Variants in ZNF726 observed in about 807,000 individuals in gnomAD.
ZNF726 encodes the protein zinc finger protein 92 pseudogene 3.
ZNF726 carries 15 observed loss-of-function variants against 11.6 expected under a neutral mutation model. The ratio of observed to expected loss-of-function variants is 1.29; its 90% CI spans 0.86 to 1.99. ZNF726 has a LOEUF of 1.99. Among genes scored for constraint, ZNF726 ranks in the 30% most tolerant of loss-of-function variants. ZNF726 has a pLI of 0.00. For synonymous variants in ZNF726, 295 were observed against 243.6 expected, an observed-to-expected ratio of 1.21 and a Z score of -1.96; for missense variants, 890 against 725.6, an observed-to-expected ratio of 1.23 and a Z score of -2.60.
At chr19:23,926,077 A>G (rs1313937106) in intron 3 of ZNF726, among the ~76,000 whole-genome samples, 4 of 152,272 alleles carry the variant, frequency 2.6e-5, no homozygotes, top group Admixed American at 1.3e-4. Context: ...TAATTTGTAA[A>G]TATTTTCACC....
intron 3 of ZNF726, among the ~76,000 whole-genome samples, chr19:23,925,112 T>A (rs545364461): frequency 1.4e-4 from 22 of 152,318 alleles, no homozygotes; most frequent in Admixed American, 1.4e-3. Context: ...ACATCCATCA[T>A]TTCTTTACTG....
intron 3 of ZNF726, among the ~76,000 whole-genome samples, chr19:23,929,820 G>A (rs1431988031): frequency 6.6e-6 from 1 of 152,008 alleles, no homozygotes; most frequent in Non-Finnish European, 1.5e-5. Context: ...ATATTCTACA[G>A]AATAGCTTTA....
chr19:23,918,308 A>G (rs1337505744), intron 1 of ZNF726, among the ~76,000 whole-genome samples: 1 of 152,200 alleles, frequency 6.6e-6, no homozygotes, highest in Non-Finnish European at 1.5e-5. Context: ...AGTATTCAAC[A>G]TCTATGCATT....
downstream of ZNF726, among the ~76,000 whole-genome samples, chr19:23,936,964 G>T (rs1568382531): frequency 6.6e-6 from 1 of 151,958 alleles, no homozygotes; most frequent in Non-Finnish European, 1.5e-5. Flanking sequence ...TTCTCAATGA[G>T]CTGTTGGGTA....
downstream of ZNF726, among the ~76,000 whole-genome samples, chr19:23,938,040 C>G (rs1968275600): frequency 6.6e-6 from 1 of 152,158 alleles, no homozygotes; most frequent in Non-Finnish European, 1.5e-5. Flanking sequence ...TTAACCTATT[C>G]CACCTTACTC....
rs1967807892 is a variant in ZNF726, at chr19:23,920,161, G to T, written c.226+79G>T. On this transcript the variant is annotated intron_variant, in intron 3 of 3. Transcript: ENST00000594466. ...AGAAAGCCAGTCTTTAAAGTGATTT[G>T]GAAAGCTGCATTCCAAAGGAAACCG... is the stretch of plus-strand genomic sequence containing the variant. 17 of 1,043,110 alleles carry T rather than the reference G, an allele frequency of 1.6e-5. No homozygotes were observed. The South Asian group carries it at 2.2e-4, about 13-fold the overall frequency. 64.6% of individuals were successfully genotyped at this position (1,043,110 alleles called of 1,614,324 possible). A position where few individuals can be genotyped will look rare whatever the true frequency, so the allele number is the denominator to read the frequency against.
rs1568379939 is a variant in ZNF726, at chr19:23,932,577, T to G, written c.461T>G (p.Phe154Cys). The G allele has an allele frequency of 6.5e-7, 1 of 1,544,516 alleles. No individual in the cohort carries two copies. Among genetic ancestry groups the G allele is most frequent in the Non-Finnish European group, 8.7e-7 (1 of 1,146,340 alleles). The change falls in exon 4 of 4, where the codon TTT becomes TGT. Residue 154 changes from phenylalanine to cysteine, a missense_variant. Phe to Cys is a radical substitution (Grantham distance 205). Coordinates refer to ENST00000594466, the MANE Select transcript of ZNF726 (RefSeq NM_001244038.2). ...CAATGTGGTAAATATTTGAAAGTCT[T>G]TTATAAATTTATAAATTTAAACAGA... ...ASQCGKYLKV[F>C]YKFINLNRYK...
chr19:23,922,615 GT>G (rs983910705), intron 3 of ZNF726, among the ~76,000 whole-genome samples: 1 of 152,214 alleles, frequency 6.6e-6, no homozygotes, highest in Non-Finnish European at 1.5e-5. Flanking sequence ...TGGTCATGTA[GT>G]TTGCAACCTG....
intron 4 of ZNF726, chr19:23,943,778 CTACTTCCTATTTAG>C (rs1292774485): frequency 2.5e-6 from 1 of 405,398 alleles, no homozygotes; most frequent in East Asian, 3.4e-5. Flanking sequence ...TCTAAGGACT[CTACTTCCTATTTAG>C]TGATTTTCCT....
Position 23,933,875 on chromosome 19 carries a change from C to G in ZNF726, c.1759C>G (p.His587Asp), listed in dbSNP as rs1379492508. 1.3e-6 allele frequency: 2 copies of G among 1,591,022 alleles called. No homozygotes were observed. Among genetic ancestry groups the G allele is most frequent in the Admixed American group, 1.8e-5 (1 of 56,168 alleles). The change falls in exon 4 of 4, where the codon CAT becomes GAT. Residue 587 changes from histidine to aspartate, a missense_variant. By Grantham distance (81) the His-to-Asp change is moderately conservative. Transcript: ENST00000594466. ...SSNLSTHKII[H>D]TGEKPYKCDE... is the part of the protein sequence containing the mutation. Reference sequence around the variant, plus strand: ...AAATCTTAGTACGCATAAGATAATTCATACTGGAGAGAAACCTTACAAGTG... The same window carrying G: ...AAATCTTAGTACGCATAAGATAATTGATACTGGAGAGAAACCTTACAAGTG...
intron 3 of ZNF726, among the ~76,000 whole-genome samples, chr19:23,924,727 A>C (rs955858504): frequency 6.6e-6 from 1 of 152,044 alleles, no homozygotes; most frequent in Non-Finnish European, 1.5e-5. Flanking sequence ...CTCTCTACAG[A>C]TATTTTTTTC....
chr19:23,940,310 A>G (rs1968318149), intron 3 of ZNF726, among the ~76,000 whole-genome samples: 1 of 152,060 alleles, frequency 6.6e-6, no homozygotes, highest in Admixed American at 6.5e-5. Flanking sequence ...GCTTTGTTGA[A>G]GATCAGTTGG....
intron 3 of ZNF726, chr19:23,928,271 T>G (rs1968030525): frequency 6.6e-6 from 1 of 152,234 alleles, no homozygotes; most frequent in African/African-American, 2.4e-5. Flanking sequence ...TATTTCTTTA[T>G]AAGTTATCCA....
downstream of ZNF726, among the ~76,000 whole-genome samples, chr19:23,937,203 C>T (rs1418183082): frequency 1.3e-5 from 2 of 150,956 alleles, no homozygotes; most frequent in Non-Finnish European, 3.0e-5. Context: ...CCTCCACCTC[C>T]CTCCCGGACG....
chr19:23,916,905 A>G (rs527503729), intron 1 of ZNF726, among the ~76,000 whole-genome samples: 101 of 152,214 alleles, frequency 6.6e-4, no homozygotes, highest in African/African-American at 2.4e-3. Flanking sequence ...TGAGTAAAAC[A>G]TATCTGTACC....
downstream of ZNF726, among the ~76,000 whole-genome samples, chr19:23,934,701 C>A (rs1168343654): frequency 3.3e-5 from 5 of 152,188 alleles, no homozygotes; most frequent in African/African-American, 1.2e-4. Context: ...CACTAGGAGC[C>A]ATGTGATCTC....
At position 23,933,042 on chromosome 19, in the gene ZNF726, G is replaced by A; in HGVS notation, c.926G>A (p.Gly309Glu). ...ALTIHKRMHI[G>E]EKPYKCEECG... ...ACCATACATAAGAGGATGCACATTG[G>A]AGAGAAACCCTACAAATGTGAAGAA... The change falls in exon 4 of 4, where the codon GGA becomes GAA. Residue 309 changes from glycine (G) to glutamate (E), a missense_variant. Physicochemically the swap from Gly to Glu is moderately conservative, Grantham distance 98. Coordinates refer to ENST00000594466, the MANE Select transcript of ZNF726 (RefSeq NM_001244038.2). 1 of 1,613,486 alleles carries A rather than the reference G, an allele frequency of 6.2e-7. No homozygotes were observed. The highest frequency in any genetic ancestry group is 8.5e-7 in the Non-Finnish European group (1 of 1,179,932).
At chr19:23,943,181 C>T (rs1358714684) in intron 3 of ZNF726, among the ~76,000 whole-genome samples, 1 of 152,142 alleles carries the variant, frequency 6.6e-6, no homozygotes, top group Non-Finnish European at 1.5e-5. Context: ...CCACCACGCC[C>T]AGCTAATTTT....
downstream of ZNF726, among the ~76,000 whole-genome samples, chr19:23,939,170 C>A (rs1968297573): frequency 6.6e-6 from 1 of 150,740 alleles, no homozygotes; most frequent in Non-Finnish European, 1.5e-5. Context: ...CATTCTTATA[C>A]CTTTGCATTC....
Sources: gnomAD v4.1 joint callset for allele counts (sites outside exome capture counted in the v4.1 genomes callset) on GRCh38, gnomAD v4.1.1 for gene constraint, MANE v1.5 for transcripts, NCBI Gene and HGNC (gene_info 2026-07-23, HGNC 2026-07-21) for gene names.